The following FGGY variants were observed in gnomAD, a reference collection of about 807,000 sequenced individuals.
The protein encoded by FGGY is FGGY carbohydrate kinase domain-containing protein.
In FGGY, 72 loss-of-function variants were observed where a neutral mutation model predicts 71.3. The observed-to-expected ratio is 1.01, with a 90% CI of 0.84 to 1.23. FGGY has a LOEUF of 1.23. Among genes scored for constraint, FGGY ranks in the 50% most tolerant of loss-of-function variants. The pLI is 0.00. For synonymous variants in FGGY, 251 were observed against 250.3 expected, an observed-to-expected ratio of 1.00 and a Z score of -0.02; for missense variants, 668 against 682.3, an observed-to-expected ratio of 0.98 and a Z score of 0.23.
chr1:59,699,998 A>AGAGCC (rs2097696760), intron 14 of FGGY, among the ~76,000 whole-genome samples: 1 of 152,206 alleles, frequency 6.6e-6, no homozygotes, highest in Admixed American at 6.5e-5. Context: ...CTAGCTTCTC[A>AGAGCC]GAGCCCTTAC....
intron 14 of FGGY, among the ~76,000 whole-genome samples, chr1:59,709,650 G>C (rs2097780108): frequency 6.6e-6 from 1 of 152,192 alleles, no homozygotes; most frequent in Non-Finnish European, 1.5e-5. Context: ...GAAACATTTA[G>C]AGGCAAGCAC....
chr1:59,756,448 A>C (rs934641098), intron 14 of FGGY, among the ~76,000 whole-genome samples: 3 of 152,230 alleles, frequency 2.0e-5, no homozygotes, highest in Non-Finnish European at 4.4e-5. Context: ...CAGGTTACCT[A>C]ACCCTTGAAT....
At chr1:59,569,566 GTAATA>G (rs2095943538) in intron 8 of FGGY, among the ~76,000 whole-genome samples, 2 of 152,184 alleles carry the variant, frequency 1.3e-5, no homozygotes, top group Non-Finnish European at 2.9e-5. Flanking sequence ...TAACACAGCT[GTAATA>G]TTCAAGAGAA....
chr1:59,357,256 A>C (rs975731518), intron 4 of FGGY, among the ~76,000 whole-genome samples: 3 of 150,608 alleles, frequency 2.0e-5, no homozygotes, highest in Non-Finnish European at 3.0e-5. Flanking sequence ...TTTATAGTCC[A>C]GCAAAGTAAT....
chr1:59,387,347 C>T (rs1019756926), intron 5 of FGGY, among the ~76,000 whole-genome samples: 1 of 151,750 alleles, frequency 6.6e-6, no homozygotes, highest in Admixed American at 6.6e-5. Flanking sequence ...AGTATCCTAT[C>T]CTATGTCAGT....
chr1:59,543,512 C>G (rs2095477222), intron 7 of FGGY, among the ~76,000 whole-genome samples: 2 of 152,192 alleles, frequency 1.3e-5, no homozygotes, highest in African/African-American at 4.8e-5. Context: ...GAAACTTGGC[C>G]TGGTTTTGGC....
chr1:59,465,252 GAC>G lies in FGGY; in HGVS notation c.670+8178_670+8179del, dbSNP rs1424335476. Among the ~76,000 whole-genome samples the G allele has an allele frequency of 4.6e-5, 7 of 152,206 alleles. No homozygotes were observed. In the East Asian group the frequency reaches 1.3e-3, roughly 29 times the overall value. On this transcript the variant is annotated intron_variant, in intron 6 of 15. Coordinates refer to ENST00000303721, the MANE Select transcript of FGGY (RefSeq NM_018291.5). The stretch of plus-strand genomic sequence containing the variant: ...AATCCATCACATAAACAGAACCAAA[GAC>G]AAAAACCACATGATTATCTCAATAG...
At chr1:59,508,869 A>G (rs998002621) in intron 6 of FGGY, among the ~76,000 whole-genome samples, 17 of 152,048 alleles carry the variant, frequency 1.1e-4, no homozygotes, top group Non-Finnish European at 1.6e-4. Flanking sequence ...ATTTGGGGGG[A>G]TAAGGTGTTT....
chr1:59,514,007 G>A (rs650755), intron 7 of FGGY, among the ~76,000 whole-genome samples: 23,724 of 152,198 alleles, frequency 0.16, 2,596 homozygotes, highest in African/African-American at 0.3. Flanking sequence ...GCTATGTAAC[G>A]TAGTTCTGAT....
intron 14 of FGGY, among the ~76,000 whole-genome samples, chr1:59,713,836 A>G (rs2097820902): frequency 6.6e-6 from 1 of 152,204 alleles, no homozygotes; most frequent in Non-Finnish European, 1.5e-5. Flanking sequence ...TCCGCCCTGG[A>G]TACAATTAGT....
At chr1:59,716,730 A>AG (rs2097848655) in intron 14 of FGGY, among the ~76,000 whole-genome samples, 1 of 152,158 alleles carries the variant, frequency 6.6e-6, no homozygotes, top group African/African-American at 2.4e-5. Flanking sequence ...CGGACAGGGG[A>AG]GGGGAGGGCT....
intron 4 of FGGY, among the ~76,000 whole-genome samples, chr1:59,352,865 C>A (rs1296016032): frequency 6.6e-6 from 1 of 152,174 alleles, no homozygotes; most frequent in Non-Finnish European, 1.5e-5. Flanking sequence ...AATCTTGAAA[C>A]TTCATGAAAG....
intron 4 of FGGY, among the ~76,000 whole-genome samples, chr1:59,348,187 A>C (rs2052500250): frequency 6.6e-6 from 1 of 152,208 alleles, no homozygotes; most frequent in South Asian, 2.1e-4. Context: ...ATTCTATTGG[A>C]GTTCAGAGAG....
rs140611361 is a variant in FGGY, at chr1:59,674,079, T to C, written c.1458T>C (p.Leu486=). Residue 486 remains leucine (L), a synonymous_variant, in exon 14 of 16, where the codon CTT becomes CTC. Transcript: ENST00000303721. ...VVLSQEVESV[L]VGAAVLGACA... ...TGTCGCAAGAGGTGGAGTCCGTTCT[T>C]GTGGGTGCTGCTGTTCTGGGTGCCT... The C allele has an allele frequency of 7.4e-6, 12 of 1,613,914 alleles. No homozygotes were observed. The African/African-American group carries it at 1.1e-4, about 14-fold the overall frequency.
chr1:59,338,480 T>G (rs2050031068), intron 2 of FGGY, among the ~76,000 whole-genome samples: 1 of 152,184 alleles, frequency 6.6e-6, no homozygotes. Context: ...TTTTATTTTT[T>G]GTGGGAATGT....
chr1:59,514,816 A>G (rs1309261504), intron 7 of FGGY, among the ~76,000 whole-genome samples: 1 of 152,184 alleles, frequency 6.6e-6, no homozygotes, highest in Non-Finnish European at 1.5e-5. Flanking sequence ...CTCCCCAGCC[A>G]TGTGGAACTG....
At chr1:59,335,852 G>T (rs2049384637) in intron 2 of FGGY, among the ~76,000 whole-genome samples, 1 of 151,950 alleles carries the variant, frequency 6.6e-6, no homozygotes, top group South Asian at 2.1e-4. Flanking sequence ...TTATCATTGG[G>T]TTGTTTTTCC....
intron 8 of FGGY, among the ~76,000 whole-genome samples, chr1:59,584,136 A>G (rs1350932903): frequency 1.3e-5 from 2 of 149,928 alleles, no homozygotes; most frequent in Non-Finnish European, 2.9e-5. Flanking sequence ...CCAATAGAAA[A>G]AGAGGGAATC....
intron 14 of FGGY, among the ~76,000 whole-genome samples, chr1:59,742,695 G>T (rs866760531): frequency 2.0e-5 from 3 of 150,266 alleles, no homozygotes; most frequent in Middle Eastern, 6.8e-3. Flanking sequence ...GTTCCCATAC[G>T]TGGCACTATC....
Sources: gnomAD v4.1 joint callset for allele counts (sites outside exome capture counted in the v4.1 genomes callset) on GRCh38, gnomAD v4.1.1 for gene constraint, MANE v1.5 for transcripts, NCBI Gene and HGNC (gene_info 2026-07-23, HGNC 2026-07-21) for gene names.